Variants in SPAG5 observed in about 807,000 individuals in gnomAD.
The protein encoded by SPAG5 is sperm-associated antigen 5.
In SPAG5, 99 loss-of-function variants were observed where a neutral mutation model predicts 145.4. That is an observed-to-expected ratio of 0.68 (90% CI 0.58 to 0.80). The LOEUF (loss-of-function observed/expected upper bound fraction) is 0.80. Among genes scored for constraint, SPAG5 ranks in the 30% least tolerant of loss-of-function variants. SPAG5 has a pLI of 0.00. For missense variants in SPAG5, 1,192 were observed against 1,416.0 expected (o/e 0.84, Z 2.54); for synonymous variants, 477 against 525.4 (o/e 0.91, Z 1.26).
chr17:28,579,601 T>C, intron 17 of SPAG5, 116 bp from the exon 18 acceptor site: 1 of 1,426,214 alleles, frequency 7.0e-7, no homozygotes. Context: ...TTTGAATGTC[T>C]GGAACATTAC....
Position 28,591,694 on chromosome 17 carries a change from T to C in SPAG5, c.1437+4A>G, listed in dbSNP as rs755653066. 6 of 1,602,820 alleles carry C rather than the reference T, an allele frequency of 3.7e-6. No homozygotes were observed. The highest frequency in any genetic ancestry group is 4.3e-6 in the Non-Finnish European group (5 of 1,172,808). On this transcript the variant is annotated splice_donor_region_variant and intron_variant, in intron 4 of 23. Coordinates refer to ENST00000321765, the MANE Select transcript of SPAG5 (RefSeq NM_006461.4). Reference sequence around the variant, plus strand: ...CCCTCAAGCTTTGAGAGGAACCTTCTTACCCCACTGTGAGATGTGTCAGTC... The same window carrying C: ...CCCTCAAGCTTTGAGAGGAACCTTCCTACCCCACTGTGAGATGTGTCAGTC...
At chr17:28,586,759 T>C (rs1400526815) in intron 4 of SPAG5, among the ~76,000 whole-genome samples, 2 of 152,218 alleles carry the variant, frequency 1.3e-5, no homozygotes, top group Non-Finnish European at 2.9e-5. Context: ...CTTGAACTCC[T>C]GGCCTCAAGT....
At chr17:28,582,805 T>C (rs1005065433) in intron 15 of SPAG5, 6 of 152,216 alleles carry the variant, frequency 3.9e-5, no homozygotes, top group African/African-American at 1.2e-4. Context: ...TATTTCTGCT[T>C]TCTTGAAACA....
Position 28,579,375 on chromosome 17 carries a change from G to A in SPAG5, c.2995C>T (p.Gln999Ter), listed in dbSNP as rs1480404445. The A allele has an allele frequency of 6.2e-7, 1 of 1,613,974 alleles. No individual in the cohort carries two copies. The highest frequency in any genetic ancestry group is 8.5e-7 in the Non-Finnish European group (1 of 1,180,006). ...ESKEEAIRTL[Q>*]RKICELQARL... The stretch of plus-strand genomic sequence containing the variant: ...CTGCATCCCACTCACATTTTTCGCT[G>A]CAGAGTCCTGATGGCTTCTTCTTTA... Residue 999 changes from glutamine to a stop codon, truncating the protein, a stop_gained, in exon 18 of 24, where the codon CAG (glutamine) becomes TAG (stop). Transcript: ENST00000321765. LOFTEE classifies it high-confidence loss of function.
At chr17:28,579,886 A>T in intron 16 of SPAG5, 49 bp from the exon 17 acceptor site, 1 of 1,580,896 alleles carries the variant, frequency 6.3e-7, no homozygotes, top group South Asian at 1.1e-5. Context: ...TGATCCAGGC[A>T]GGGGTCTACC....
rs1047631340 is a variant in SPAG5 at position 28,578,386 on chromosome 17, C to T, written c.3341G>A (p.Trp1114Ter). 3 of 1,614,044 alleles carry T rather than the reference C, an allele frequency of 1.9e-6. No homozygotes were observed. The highest frequency in any genetic ancestry group is 2.5e-6 in the Non-Finnish European group (3 of 1,180,012). Reference sequence around the variant, plus strand: ...ACTCTGAGTCACCTCCTGAGAGAGCCACACTTTCTCCTGGATCCAATTGGT... The same window carrying T: ...ACTCTGAGTCACCTCCTGAGAGAGCTACACTTTCTCCTGGATCCAATTGGT... ...MATNWIQEKV[W>*]LSQEVDKLRV... Residue 1114 changes from tryptophan (W) to a stop codon, truncating the protein, a stop_gained, in exon 21 of 24, where the codon TGG (tryptophan) becomes TAG (stop). Transcript: ENST00000321765. LOFTEE classifies it high-confidence loss of function.
intron 1 of SPAG5, 96 bp downstream of exon 1, chr17:28,598,800 C>G: frequency 6.5e-7 from 1 of 1,537,578 alleles, no homozygotes; most frequent in South Asian, 1.1e-5. Context: ...GCCCCCAACC[C>G]CGGGCTCGAC....
rs1280697724 is a variant in SPAG5 at position 28,579,388 on chromosome 17, G to A, written c.2982C>T (p.Ala994=). 2 of 1,614,152 alleles carry A rather than the reference G, an allele frequency of 1.2e-6. No individual in the cohort carries two copies. The highest frequency in any genetic ancestry group is 1.7e-6 in the Non-Finnish European group (2 of 1,180,026). The part of the protein sequence containing the change: ...CSLLQESKEE[A]IRTLQRKICE... ...ACATTTTTCGCTGCAGAGTCCTGAT[G>A]GCTTCTTCTTTAGACTCTTGTAGCA... The change falls in exon 18 of 24, where the codon GCC becomes GCT. Residue 994 remains alanine, a synonymous_variant. Transcript: ENST00000321765.
chr17:28,579,302 T>G, intron 18 of SPAG5, 50 bp from the exon 19 acceptor site: 1 of 1,613,730 alleles, frequency 6.2e-7, no homozygotes, highest in East Asian at 2.2e-5. Context: ...AGGGATCAGT[T>G]GGACCCTTGG....
At chr17:28,596,767 G>A (rs1189150473) in intron 2 of SPAG5, among the ~76,000 whole-genome samples, 1 of 152,084 alleles carries the variant, frequency 6.6e-6, no homozygotes, top group Non-Finnish European at 1.5e-5. Context: ...AAGCTGTACT[G>A]TCTAATATGA....
At chr17:28,598,838 CG>C (rs1253668495) in intron 1 of SPAG5, 57 bp downstream of exon 1, 1 of 1,590,780 alleles carries the variant, frequency 6.3e-7, no homozygotes, top group African/African-American at 1.3e-5. Context: ...TAGACACGGC[CG>C]GTGCCCCCGC....
intron 15 of SPAG5, among the ~76,000 whole-genome samples, chr17:28,581,220 C>A (rs775150996): frequency 2.0e-5 from 3 of 152,170 alleles, no homozygotes; most frequent in Non-Finnish European, 4.4e-5. Flanking sequence ...GAGACAGAGA[C>A]CATATGGCCC....
Position 28,592,012 on chromosome 17 carries a change from C to T in SPAG5, c.1232G>A (p.Ser411Asn). The T allele has an allele frequency of 6.2e-7, 1 of 1,614,172 alleles. No individual in the cohort carries two copies. The highest frequency in any genetic ancestry group is 1.1e-5 in the South Asian group (1 of 91,076). ...SQTGLVGTKHSTSETEQLLCG... is the reference protein window; with the variant it reads ...SQTGLVGTKHNTSETEQLLCG... ...CAGGAGCTGCTCTGTCTCAGAAGTA[C>T]TGTGCTTGGTGCCAACCAGGCCTGT... is the stretch of plus-strand genomic sequence containing the variant. The change falls in exon 3 of 24, where the codon AGT becomes AAT. Residue 411 changes from serine to asparagine, a missense_variant. Around this residue, in one of 5 missense-constraint regions of SPAG5, gnomAD observed 125 missense variants for 143.8 expected, o/e 0.87. Transcript: ENST00000321765.
At chr17:28,598,775 A>C in intron 1 of SPAG5, 121 bp downstream of exon 1, 3 of 1,512,686 alleles carry the variant, frequency 2.0e-6, no homozygotes, top group African/African-American at 1.4e-5. Flanking sequence ...AGCAAGGCGA[A>C]CAAAGACTCC....
At position 28,579,481 on chromosome 17, in the gene SPAG5, G is replaced by A. The variant is rs764024177; in HGVS notation, c.2889C>T (p.Thr963=). 1.9e-6 allele frequency: 3 copies of A among 1,613,608 alleles called. No individual in the cohort carries two copies. In the South Asian group the frequency reaches 3.3e-5, roughly 18 times the overall value. The change falls in exon 18 of 24, where the codon ACC becomes ACT. Residue 963 remains threonine (T), a synonymous_variant. Coordinates refer to ENST00000321765, the MANE Select transcript of SPAG5 (RefSeq NM_006461.4). ...ASMVSLQPAE[T]PGMEESLAEM... Reference sequence around the variant, plus strand: ...CTGCCAGGCTCTCCTCCATGCCTGGGGTCTCTGAAAGAGAAAGTCCCAGAT... The same window carrying A: ...CTGCCAGGCTCTCCTCCATGCCTGGAGTCTCTGAAAGAGAAAGTCCCAGAT...
chr17:28,588,026 G>A (rs2070597320), intron 4 of SPAG5, among the ~76,000 whole-genome samples: 1 of 152,160 alleles, frequency 6.6e-6, no homozygotes, highest in Non-Finnish European at 1.5e-5. Flanking sequence ...GAGAAAAGTG[G>A]GAGTCTTCAT....
At chr17:28,578,151 G>A in intron 22 of SPAG5, 61 bp from the exon 23 acceptor site, 1 of 1,609,026 alleles carries the variant, frequency 6.2e-7, no homozygotes, top group Admixed American at 1.7e-5. Flanking sequence ...GTAGGACAGG[G>A]GAAACATGGC....
rs897852154 is a variant in SPAG5 at position 28,598,999 on chromosome 17, G to A, written c.-53C>T. 2 of 1,565,278 alleles carry A rather than the reference G, an allele frequency of 1.3e-6. No homozygotes were observed. The highest frequency in any genetic ancestry group is 1.8e-6 in the Non-Finnish European group (2 of 1,136,168). ...TCTCAGACCAAGTCGAGGACGCCAT[G>A]TTCACCCGCCGTCTGTGTTTGAACC... On this transcript the variant is annotated 5_prime_UTR_variant, in exon 1 of 24. Coordinates refer to ENST00000321765, the MANE Select transcript of SPAG5 (RefSeq NM_006461.4).
chr17:28,583,807 A>T, intron 14 of SPAG5, 46 bp downstream of exon 14: 1 of 1,579,896 alleles, frequency 6.3e-7, no homozygotes, highest in Non-Finnish European at 8.6e-7. Context: ...GTTCCTGAGA[A>T]AAAAATAAGC....
Sources: allele counts gnomAD v4.1 joint callset (sites outside exome capture counted in the v4.1 genomes callset), GRCh38; gene constraint gnomAD v4.1.1; regional missense constraint gnomAD v4.1.1; transcripts MANE v1.5; gene names NCBI Gene and HGNC (gene_info 2026-07-23, HGNC 2026-07-21).